Variants in DAB1 observed in about 807,000 individuals in gnomAD.
DAB1 encodes the protein DAB adaptor protein 1, also known as disabled homolog 1.
Under a neutral mutation model 64.6 loss-of-function variants are expected in DAB1, and 15 were observed. That is an observed-to-expected ratio of 0.23 (90% CI 0.16 to 0.36). The LOEUF is 0.36. DAB1 is among the 10% of genes least tolerant of loss of function. The pLI is 1.00. For missense variants in DAB1, 596 were observed against 706.7 expected (o/e 0.84, Z 1.78); for synonymous variants, 235 against 251.9 (o/e 0.93, Z 0.64).
chr1:57,705,453 C>A (rs190678313), intron 6 of DAB1, among the ~76,000 whole-genome samples: 1 of 152,188 alleles, frequency 6.6e-6, no homozygotes, highest in East Asian at 1.9e-4. Context: ...GTTTGTACTT[C>A]CTATTTACAT....
At chr1:58,510,423 A>T (rs754016251) in intron 2 of DAB1, among the ~76,000 whole-genome samples, 32 of 152,148 alleles carry the variant, frequency 2.1e-4, no homozygotes, top group Non-Finnish European at 3.1e-4. Context: ...AAAATTAAAC[A>T]TCCTTTCATA....
In DAB1 at chr1:57,578,957, G is replaced by A. The variant is rs116581809; in HGVS notation, n.625+70635C>T. 6.7e-3 allele frequency among the ~76,000 whole-genome samples: 1,016 copies of A among 152,320 alleles called. 8 individuals carry two copies. The highest frequency in any genetic ancestry group is 0.024 in the African/African-American group (980 of 41,570). On this transcript the variant is annotated intron_variant and non_coding_transcript_variant, in intron 7 of 20. Coordinates refer to the DAB1 transcript ENST00000485760. ...ACATGAATAATTTGCTATGAAAGGA[G>A]TTGGTCTTCATTCAAAGCTCCAGCT...
At position 56,994,965 on chromosome 1, in the gene DAB1, C is replaced by G. The variant is rs1645564869; in HGVS notation, c.*3179G>C. On this transcript the variant is annotated 3_prime_UTR_variant, in exon 15 of 15. Transcript: ENST00000371236. ...AAGTAGGTCTAGAAAGGTACTGCAA[C>G]AGTCATTTTCTCTTTCTCATCTTTA... is the stretch of plus-strand genomic sequence containing the variant. 6.6e-6 allele frequency: 1 copy of G among 152,168 alleles called. No individual in the cohort carries two copies. The highest frequency in any genetic ancestry group is 6.5e-5 in the Admixed American group (1 of 15,274). 9.4% of individuals were successfully genotyped at this position (152,168 alleles called of 1,614,324 possible).
chr1:58,445,698 G>A (rs1291805686), intron 3 of DAB1, among the ~76,000 whole-genome samples: 1 of 152,184 alleles, frequency 6.6e-6, no homozygotes, highest in East Asian at 1.9e-4. Flanking sequence ...TTTCCTTCAA[G>A]GAGTGACAAA....
At chr1:58,079,194 G>A (rs1304303368) in intron 5 of DAB1, among the ~76,000 whole-genome samples, 2 of 152,148 alleles carry the variant, frequency 1.3e-5, no homozygotes, top group African/African-American at 2.4e-5. Context: ...TGTCCCCACA[G>A]GACACTGCAG....
Position 57,424,041 on chromosome 1 carries a change from G to A in DAB1, c.-248C>T, listed in dbSNP as rs1685145959. On this transcript the variant is annotated 5_prime_UTR_variant, in exon 1 of 15. Coordinates refer to ENST00000371236, the MANE Select transcript of DAB1 (RefSeq NM_001365792.1). ...CGCTCTGCAGCCCGGGGAAGCCCGG[G>A]CGAGCGCCGAGCTGGGTCCATCCTC... is the stretch of plus-strand genomic sequence containing the variant. 6.6e-6 allele frequency: 1 copy of A among 152,314 alleles called. No homozygotes were observed. The highest frequency in any genetic ancestry group is 1.9e-4 in the East Asian group (1 of 5,138). The allele number at this position is 152,314 out of a possible 1,614,324, so 9.4% of individuals were successfully genotyped here.
At chr1:57,019,079 A>G (rs1451138886) in intron 11 of DAB1, among the ~76,000 whole-genome samples, 1 of 152,106 alleles carries the variant, frequency 6.6e-6, no homozygotes, top group East Asian at 1.9e-4. Context: ...CACCTCTATC[A>G]TGACACTTGT....
intron 12 of DAB1, among the ~76,000 whole-genome samples, chr1:57,013,793 A>G (rs1400192469): frequency 2.0e-5 from 3 of 152,204 alleles, no homozygotes; most frequent in Non-Finnish European, 2.9e-5. Flanking sequence ...AAACAAGTGT[A>G]CATGTGCTCA....
At chr1:57,811,480 C>T (rs375437474) in intron 6 of DAB1, among the ~76,000 whole-genome samples, 1 of 152,156 alleles carries the variant, frequency 6.6e-6, no homozygotes, top group African/African-American at 2.4e-5. Context: ...TTTCTGAGGC[C>T]TCCCAAAAAG....
At chr1:57,337,775 C>T (rs867556009) in intron 1 of DAB1, among the ~76,000 whole-genome samples, 3 of 152,116 alleles carry the variant, frequency 2.0e-5, no homozygotes, top group Non-Finnish European at 2.9e-5. Context: ...CTTCCCTGCT[C>T]ATCGGCAACA....
chr1:57,959,196 T>G (rs1430435590), intron 5 of DAB1, among the ~76,000 whole-genome samples: 1 of 152,204 alleles, frequency 6.6e-6, no homozygotes, highest in Non-Finnish European at 1.5e-5. Flanking sequence ...TCATTGAGCT[T>G]CCTCTTCAAC....
chr1:57,373,972 A>G (rs1446505991), intron 1 of DAB1, among the ~76,000 whole-genome samples: 1 of 152,218 alleles, frequency 6.6e-6, no homozygotes, highest in Non-Finnish European at 1.5e-5. Flanking sequence ...GGGATAAAGA[A>G]GTATGCACAT....
At chr1:58,407,385 C>G (rs560111995) in intron 3 of DAB1, among the ~76,000 whole-genome samples, 141 of 152,324 alleles carry the variant, frequency 9.3e-4, no homozygotes, top group Non-Finnish European at 1.6e-3. Flanking sequence ...GCATCTACTA[C>G]AGTCCTAGCA....
At chr1:57,355,270 G>T (rs1678985105) in intron 1 of DAB1, among the ~76,000 whole-genome samples, 1 of 149,122 alleles carries the variant, frequency 6.7e-6, no homozygotes, top group Non-Finnish European at 1.5e-5. Context: ...TTTCCTTCCT[G>T]GCATACATTT....
intron 4 of DAB1, among the ~76,000 whole-genome samples, chr1:57,122,159 G>A (rs1656723879): frequency 6.6e-6 from 1 of 152,104 alleles, no homozygotes; most frequent in African/African-American, 2.4e-5. Flanking sequence ...TTGAAGAGAG[G>A]CAGCCACACT....
At chr1:58,282,956 C>A (rs372996199) in intron 4 of DAB1, among the ~76,000 whole-genome samples, 49 of 152,320 alleles carry the variant, frequency 3.2e-4, no homozygotes, top group African/African-American at 1.1e-3. Context: ...AAGAAGCCAA[C>A]TTTGCTGGGA....
intron 5 of DAB1, among the ~76,000 whole-genome samples, chr1:58,045,001 A>C (rs1420349327): frequency 6.6e-6 from 1 of 152,180 alleles, no homozygotes; most frequent in East Asian, 1.9e-4. Context: ...TGACTAGAAA[A>C]TCTGTTTTTT....
intron 4 of DAB1, among the ~76,000 whole-genome samples, chr1:58,239,713 A>G (rs1345610977): frequency 6.6e-6 from 1 of 152,108 alleles, no homozygotes; most frequent in African/African-American, 2.4e-5. Context: ...ACTCTCACAG[A>G]GTTGTCCAAA....
intron 6 of DAB1, among the ~76,000 whole-genome samples, chr1:57,743,318 C>G (rs1032061841): frequency 6.6e-6 from 1 of 152,178 alleles, no homozygotes. Flanking sequence ...TCTCCCCCAC[C>G]CTTAAGAAGG....
Sources: gnomAD v4.1 joint callset for allele counts (sites outside exome capture counted in the v4.1 genomes callset) on GRCh38, gnomAD v4.1.1 for gene constraint, MANE v1.5 for transcripts, NCBI Gene and HGNC (gene_info 2026-07-23, HGNC 2026-07-21) for gene names.